The following ZNF654 variants were observed in gnomAD, a reference collection of about 807,000 sequenced individuals.
The protein encoded by ZNF654 is melanoma-associated antigen.
ZNF654 carries 19 observed loss-of-function variants against 95.3 expected under a neutral mutation model. The ratio of observed to expected loss-of-function variants is 0.20; its 90% CI spans 0.14 to 0.29. The LOEUF (loss-of-function observed/expected upper bound fraction) is 0.29, where lower values mean the gene tolerates loss of function less well. Ranked by LOEUF, ZNF654 falls within the 10% of genes least tolerant of loss-of-function variation. The pLI, the probability that ZNF654 is intolerant of heterozygous loss-of-function variation, is 1.00. For synonymous variants in ZNF654, 413 were observed against 457.9 expected, an observed-to-expected ratio of 0.90 and a Z score of 1.25; for missense variants, 1,046 against 1,341.0, an observed-to-expected ratio of 0.78 and a Z score of 3.44.
chr3:88,099,499 A>G (rs1704272456), intron 2 of ZNF654, among the ~76,000 whole-genome samples: 1 of 152,180 alleles, frequency 6.6e-6, no homozygotes, highest in Non-Finnish European at 1.5e-5. Context: ...ACGGAACCAA[A>G]AAAGAGCCCG....
chr3:88,124,003 G>C (rs1044294498), intron 3 of ZNF654, among the ~76,000 whole-genome samples: 2 of 152,230 alleles, frequency 1.3e-5, no homozygotes, highest in African/African-American at 4.8e-5. Context: ...ATTCATGGCT[G>C]ATCAATACCT....
intron 1 of ZNF654, among the ~76,000 whole-genome samples, chr3:88,083,964 T>G (rs5024149): frequency 0.78 from 116,193 of 149,454 alleles, 45,837 homozygotes; most frequent in South Asian, 0.89. Flanking sequence ...TATATATATA[T>G]ATAGAAAATA....
chr3:88,115,582 TTTA>T (rs1157344480), intron 3 of ZNF654, among the ~76,000 whole-genome samples: 1 of 152,144 alleles, frequency 6.6e-6, no homozygotes, highest in Non-Finnish European at 1.5e-5. Flanking sequence ...AGCTATTAGA[TTTA>T]TTATTTTCTT....
intron 1 of ZNF654, among the ~76,000 whole-genome samples, chr3:88,083,941 TTATATATA>T (rs78670676): frequency 1.1e-3 from 160 of 147,672 alleles, no homozygotes; most frequent in African/African-American, 3.3e-3. Flanking sequence ...TGTACTTATT[TTATATATA>T]TATATATATA....
intron 4 of ZNF654, among the ~76,000 whole-genome samples, chr3:88,128,215 G>A (rs1393616264): frequency 6.6e-6 from 1 of 151,964 alleles, no homozygotes; most frequent in Non-Finnish European, 1.5e-5. Context: ...TTAAAATTGT[G>A]TAAAGTATTA....
chr3:88,080,267 A>G (rs1052166493), intron 1 of ZNF654, among the ~76,000 whole-genome samples: 2 of 152,134 alleles, frequency 1.3e-5, no homozygotes, highest in African/African-American at 4.8e-5. Context: ...GTAATTAATC[A>G]TACTTGGAAA....
intron 1 of ZNF654, among the ~76,000 whole-genome samples, chr3:88,070,067 G>A (rs1707420567): frequency 6.6e-6 from 1 of 152,120 alleles, no homozygotes; most frequent in South Asian, 2.1e-4. Context: ...GCTCATGAGA[G>A]TATGAAGATC....
At position 88,126,169 on chromosome 3, in the gene ZNF654, G is replaced by T; in HGVS notation, c.450G>T (p.Val150=). The T allele has an allele frequency of 6.6e-7, 1 of 1,521,362 alleles. No homozygotes were observed. Among genetic ancestry groups the T allele is most frequent in the Non-Finnish European group, 8.8e-7 (1 of 1,137,688 alleles). The allele number at this position is 1,521,362 out of a possible 1,614,324, so 94.2% of individuals were successfully genotyped here. The part of the protein sequence containing the change: ...CQNHLRRYGN[V]NLELVTRIIR... ...ATCACCTCCGCAGATATGGAAATGT[G>T]AATCTGGAACTGGTGACTCGAATCA... The change falls in exon 4 of 9, where the codon GTG becomes GTT. Residue 150 remains valine, a synonymous_variant. Transcript: ENST00000636215.
chr3:88,124,650 T>C (rs1051792169), intron 3 of ZNF654, among the ~76,000 whole-genome samples: 1 of 152,208 alleles, frequency 6.6e-6, no homozygotes, highest in African/African-American at 2.4e-5. Context: ...TCTGAAAATA[T>C]GTTTTTTTAA....
At chr3:88,065,596 T>A (rs557782013) in intron 1 of ZNF654, among the ~76,000 whole-genome samples, 1 of 152,296 alleles carries the variant, frequency 6.6e-6, no homozygotes, top group African/African-American at 2.4e-5. Context: ...GTGGTATGCT[T>A]ATGGCTGAAT....
Position 88,139,361 on chromosome 3 carries a change from G to A in ZNF654, c.1692G>A (p.Gln564=). The A allele has an allele frequency of 6.2e-7, 1 of 1,613,218 alleles. No homozygotes were observed. Among genetic ancestry groups the A allele is most frequent in the South Asian group, 1.1e-5 (1 of 90,926 alleles). Residue 564 remains glutamine, a synonymous_variant, in exon 8 of 9, where the codon CAG becomes CAA. Transcript: ENST00000636215. The part of the protein sequence containing the change: ...FLGGHIVRHA[Q]AHQKKGSFAC... ...GTGGTCACATTGTAAGGCATGCCCA[G>A]GCTCATCAGAAAAAAGGCAGTTTTG...
At chr3:88,111,943 T>C (rs112039564) in intron 2 of ZNF654, among the ~76,000 whole-genome samples, 269 of 152,086 alleles carry the variant, frequency 1.8e-3, no homozygotes, top group African/African-American at 6.2e-3. Context: ...ACAAATCCAC[T>C]TGCATTTACT....
chr3:88,142,441 G>A lies in ZNF654; in HGVS notation c.*789G>A, dbSNP rs1707178745. The A allele has an allele frequency of 6.6e-6, 1 of 152,328 alleles. No homozygotes were observed. The highest frequency in any genetic ancestry group is 2.4e-5 in the African/African-American group (1 of 41,424). 9.4% of individuals were successfully genotyped at this position (152,328 alleles called of 1,614,324 possible). A position where few individuals can be genotyped will look rare whatever the true frequency, so the allele number is the denominator to read the frequency against. ...ATCAGTACTCTGGGGAGAGATGAAA[G>A]GAATCTAAGACTTTACAGGCTTTGT... On this transcript the variant is annotated 3_prime_UTR_variant, in exon 9 of 9. Transcript: ENST00000636215.
intron 2 of ZNF654, among the ~76,000 whole-genome samples, chr3:88,097,590 C>A (rs1430362241): frequency 6.6e-6 from 1 of 152,066 alleles, no homozygotes; most frequent in African/African-American, 2.4e-5. Flanking sequence ...AAGTAAAACA[C>A]TCCTCAGCAA....
intron 1 of ZNF654, among the ~76,000 whole-genome samples, chr3:88,081,005 T>C (rs1054158984): frequency 6.6e-6 from 1 of 152,210 alleles, no homozygotes; most frequent in South Asian, 2.1e-4. Context: ...TAGTTGTTTC[T>C]CCTTAGTCTC....
chr3:88,081,004 C>G (rs1179561537), intron 1 of ZNF654, among the ~76,000 whole-genome samples: 3 of 152,120 alleles, frequency 2.0e-5, no homozygotes, highest in Non-Finnish European at 4.4e-5. Flanking sequence ...TTAGTTGTTT[C>G]TCCTTAGTCT....
intron 3 of ZNF654, among the ~76,000 whole-genome samples, chr3:88,113,786 G>C (rs1705233126): frequency 6.8e-6 from 1 of 147,500 alleles, no homozygotes. Flanking sequence ...AAGTGTCCCT[G>C]ATCACCCATT....
chr3:88,134,193 GTTGC>G (rs1706632838), intron 6 of ZNF654, among the ~76,000 whole-genome samples: 2 of 151,862 alleles, frequency 1.3e-5, no homozygotes, highest in Non-Finnish European at 2.9e-5. Context: ...CTACTCATAT[GTTGC>G]TTGCTGTCAT....
intron 2 of ZNF654, among the ~76,000 whole-genome samples, chr3:88,112,754 A>G (rs1020762213): frequency 2.6e-5 from 4 of 152,006 alleles, no homozygotes; most frequent in African/African-American, 9.7e-5. Context: ...GAGTCCCATT[A>G]TATTAGGGTG....
Sources: allele counts gnomAD v4.1 joint callset (sites outside exome capture counted in the v4.1 genomes callset), GRCh38; gene constraint gnomAD v4.1.1; transcripts MANE v1.5; gene names NCBI Gene and HGNC (gene_info 2026-07-23, HGNC 2026-07-21).